ESRRG: variants seen among roughly 807,000 people sequenced by gnomAD.
The protein encoded by ESRRG is estrogen-related receptor gamma.
Under a neutral mutation model 44.0 loss-of-function variants are expected in ESRRG, and 13 were observed. That is an observed-to-expected ratio of 0.30 (90% CI 0.19 to 0.47). ESRRG has a LOEUF of 0.47. Among genes scored for constraint, ESRRG ranks in the 20% least tolerant of loss-of-function variants. The pLI is 1.00. For synonymous variants in ESRRG, 215 were observed against 214.6 expected (o/e 1.00, Z -0.02); for missense variants, 395 against 580.6 (o/e 0.68, Z 3.29).
At chr1:216,611,865 A>G (rs947682474) in intron 3 of ESRRG, among the ~76,000 whole-genome samples, 5 of 152,222 alleles carry the variant, frequency 3.3e-5, no homozygotes, top group Admixed American at 2.0e-4. Context: ...CTCCAGGCAA[A>G]GATGAGGGTG....
intron 3 of ESRRG, among the ~76,000 whole-genome samples, chr1:216,589,903 CAAA>C (rs58458686): frequency 2.8e-4 from 9 of 32,242 alleles, no homozygotes; most frequent in African/African-American, 9.8e-4. Context: ...AACTCTGTCT[CAAA>C]AAAAAAAAAA....
At chr1:216,654,130 C>CAAA in intron 2 of ESRRG, among the ~76,000 whole-genome samples, 1 of 132,058 alleles carries the variant, frequency 7.6e-6, no homozygotes, top group Non-Finnish European at 1.6e-5. Flanking sequence ...CCCCACCCTC[C>CAAA]AAAAAAAAAA....
In ESRRG at chr1:217,026,910, C is replaced by CAGAGAG. The variant is rs1414926581; in HGVS notation, c.-106+62596_-106+62597insCTCTCT. ...ACATACACACACACACACACACACACACAGAGAGAGAGAGAGAGAGAGAGA... is the reference window on the plus strand; with the variant it reads ...ACATACACACACACACACACACACACAGAGAGACAGAGAGAGAGAGAGAGAGAGAGA... On this transcript the variant is annotated intron_variant, in intron 1 of 7. Transcript: ENST00000359162. Among the ~76,000 whole-genome samples the CAGAGAG allele has an allele frequency of 1.5e-3, 143 of 97,224 alleles. 1 individual carries two copies. Among genetic ancestry groups the CAGAGAG allele is most frequent in the African/African-American group, 5.1e-3 (127 of 25,144 alleles). The allele number at this position is 97,224 out of a possible 152,430, so 63.8% of individuals were successfully genotyped here. A position where few individuals can be genotyped will look rare whatever the true frequency, so the allele number is the denominator to read the frequency against.
chr1:216,887,029 C>T (rs1400336471), intron 2 of ESRRG, among the ~76,000 whole-genome samples: 1 of 152,106 alleles, frequency 6.6e-6, no homozygotes, highest in Non-Finnish European at 1.5e-5. Context: ...TGAGCCACGT[C>T]GCCCCGCCCC....
chr1:216,647,958 C>T (rs1241962568), intron 3 of ESRRG, among the ~76,000 whole-genome samples: 1 of 152,142 alleles, frequency 6.6e-6, no homozygotes, highest in African/African-American at 2.4e-5. Flanking sequence ...AATTTCCAGA[C>T]CTGCTGTGCC....
intron 2 of ESRRG, among the ~76,000 whole-genome samples, chr1:216,889,821 G>A (rs946009699): frequency 3.9e-5 from 6 of 152,132 alleles, no homozygotes; most frequent in African/African-American, 1.4e-4. Flanking sequence ...AGACATTTAA[G>A]TATAATAATT....
At chr1:216,787,107 G>A (rs1559636607) in intron 2 of ESRRG, among the ~76,000 whole-genome samples, 1 of 152,026 alleles carries the variant, frequency 6.6e-6, no homozygotes, top group Non-Finnish European at 1.5e-5. Flanking sequence ...ACTTTAAGGT[G>A]ATCTGTGATC....
chr1:216,821,510 A>T (rs2095287010), intron 2 of ESRRG, among the ~76,000 whole-genome samples: 1 of 151,380 alleles, frequency 6.6e-6, no homozygotes, highest in Non-Finnish European at 1.5e-5. Context: ...ACATAGTGAG[A>T]CCCTGTCTCT....
chr1:217,137,359 G>A (rs2093063369), intron 1 of ESRRG, among the ~76,000 whole-genome samples: 1 of 152,242 alleles, frequency 6.6e-6, no homozygotes, highest in Non-Finnish European at 1.5e-5. Flanking sequence ...TTTGGAAAGA[G>A]TGGAAAAATG....
At chr1:216,593,716 G>C (rs1260195993) in intron 3 of ESRRG, among the ~76,000 whole-genome samples, 1 of 152,148 alleles carries the variant, frequency 6.6e-6, no homozygotes, top group East Asian at 1.9e-4. Context: ...ATAATTCTAG[G>C]ATTTATTCCA....
intron 2 of ESRRG, among the ~76,000 whole-genome samples, chr1:216,673,321 A>G (rs542792022): frequency 3.9e-5 from 6 of 152,312 alleles, no homozygotes; most frequent in African/African-American, 9.6e-5. Context: ...TACTTTCACA[A>G]TTTAATCCCT....
At chr1:216,756,198 T>C (rs2092435273) in intron 2 of ESRRG, among the ~76,000 whole-genome samples, 1 of 152,000 alleles carries the variant, frequency 6.6e-6, no homozygotes, top group Non-Finnish European at 1.5e-5. Context: ...TGGCATTCAA[T>C]AAAATCCATT....
chr1:216,892,769 T>C (rs535135824), intron 2 of ESRRG, among the ~76,000 whole-genome samples: 4 of 152,152 alleles, frequency 2.6e-5, no homozygotes, highest in Non-Finnish European at 5.9e-5. Context: ...ACTCAGCTAT[T>C]ACAGCAATTA....
At chr1:216,607,934 T>A (rs1465004232) in intron 3 of ESRRG, among the ~76,000 whole-genome samples, 2 of 152,234 alleles carry the variant, frequency 1.3e-5, no homozygotes, top group African/African-American at 4.8e-5. Flanking sequence ...TTCTCCTAGA[T>A]CACAATTTTA....
chr1:216,797,091 C>T (rs2094491058), intron 2 of ESRRG, among the ~76,000 whole-genome samples: 1 of 151,994 alleles, frequency 6.6e-6, no homozygotes, highest in African/African-American at 2.4e-5. Flanking sequence ...GGGGTTTCAC[C>T]ATGTTGGTCA....
At chr1:216,998,378 C>T (rs1265542929) in intron 1 of ESRRG, among the ~76,000 whole-genome samples, 2 of 152,156 alleles carry the variant, frequency 1.3e-5, no homozygotes, top group African/African-American at 4.8e-5. Flanking sequence ...TTCTCTACAC[C>T]TTTGCCAGTG....
At chr1:216,698,125 G>A (rs1404684999) in intron 1 of ESRRG, among the ~76,000 whole-genome samples, 1 of 152,088 alleles carries the variant, frequency 6.6e-6, no homozygotes, top group Non-Finnish European at 1.5e-5. Flanking sequence ...TGCTCAGTAG[G>A]AATTATTGAG....
intron 2 of ESRRG, among the ~76,000 whole-genome samples, chr1:216,670,686 G>A (rs1006473422): frequency 2.0e-5 from 3 of 152,160 alleles, no homozygotes; most frequent in Non-Finnish European, 4.4e-5. Flanking sequence ...GGACTAAACT[G>A]CCCTTCTGGT....
intron 2 of ESRRG, among the ~76,000 whole-genome samples, chr1:216,799,391 C>A (rs1267456537): frequency 6.6e-6 from 1 of 151,924 alleles, no homozygotes; most frequent in African/African-American, 2.4e-5. Context: ...AAGACACCAC[C>A]CACACAACCA....
Sources: gnomAD v4.1 joint callset for allele counts (sites outside exome capture counted in the v4.1 genomes callset) on GRCh38, gnomAD v4.1.1 for gene constraint, MANE v1.5 for transcripts, NCBI Gene and HGNC (gene_info 2026-07-23, HGNC 2026-07-21) for gene names.